EMSY: variants seen among roughly 807,000 people sequenced by gnomAD.
EMSY encodes the protein BRCA2-interacting transcriptional repressor EMSY.
EMSY carries 26 observed loss-of-function variants against 134.6 expected under a neutral mutation model. That is an observed-to-expected ratio of 0.19 (90% confidence interval 0.14 to 0.27). The LOEUF is 0.27. Ranked by LOEUF, EMSY falls within the 10% of genes least tolerant of loss-of-function variation. EMSY has a pLI of 1.00. For synonymous variants in EMSY, 579 were observed against 577.8 expected, an observed-to-expected ratio of 1.00 and a Z score of -0.03; for missense variants, 1,305 against 1,611.4, an observed-to-expected ratio of 0.81 and a Z score of 3.26.
intron 9 of EMSY, among the ~76,000 whole-genome samples, chr11:76,503,758 A>G (rs944297273): frequency 6.6e-6 from 1 of 152,148 alleles, no homozygotes; most frequent in Non-Finnish European, 1.5e-5. Context: ...TAGAAAAGTT[A>G]GATATCAAAA....
intron 7 of EMSY, among the ~76,000 whole-genome samples, chr11:76,471,665 A>G (rs1948573346): frequency 2.0e-5 from 3 of 152,024 alleles, no homozygotes; most frequent in Admixed American, 2.0e-4. Context: ...TCATGATTAG[A>G]CTATGATTAT....
chr11:76,544,799 T>C (rs201533688), exon 19 of EMSY: 408 of 1,613,960 alleles, frequency 2.5e-4, no homozygotes, highest in Middle Eastern at 3.3e-4. Context: ...CCCAGCTTCT[T>C]CAGAGAAACA....
chr11:76,542,745 C>T (rs199603255), intron 18 of EMSY, among the ~76,000 whole-genome samples: 15 of 129,232 alleles, frequency 1.2e-4, no homozygotes, highest in African/African-American at 2.9e-4. Flanking sequence ...GTTTGTTTTT[C>T]GTTTTTTGTT....
At chr11:76,530,373 C>T (rs1950994985) in intron 14 of EMSY, among the ~76,000 whole-genome samples, 1 of 152,044 alleles carries the variant, frequency 6.6e-6, no homozygotes, top group Non-Finnish European at 1.5e-5. Context: ...GTTGGCCAGG[C>T]TGGTCTTGAA....
intron 8 of EMSY, among the ~76,000 whole-genome samples, chr11:76,494,676 TTCCTTCCTTCCTTCCTTCCTTCCTTCC>T (rs1949563638): frequency 2.0e-5 from 1 of 49,220 alleles, no homozygotes; most frequent in Non-Finnish European, 4.4e-5. Flanking sequence ...CCTTCCTTCC[TTCCTTCCTTCCTTCCTTCCTTCCTTCC>T]TTCCTTCCTT....
chr11:76,530,840 C>T (rs1951015841), intron 14 of EMSY, among the ~76,000 whole-genome samples: 1 of 152,104 alleles, frequency 6.6e-6, no homozygotes, highest in South Asian at 2.1e-4. Context: ...GAGAATATTC[C>T]TACTTATTAA....
At chr11:76,500,182 T>C (rs1949807714) in intron 9 of EMSY, among the ~76,000 whole-genome samples, 1 of 152,114 alleles carries the variant, frequency 6.6e-6, no homozygotes, top group African/African-American at 2.4e-5. Flanking sequence ...AATAATTTTA[T>C]CTTTCTAGTA....
chr11:76,516,792 A>G (rs916202692), intron 11 of EMSY: 1 of 152,238 alleles, frequency 6.6e-6, no homozygotes. Flanking sequence ...CATAATTTCA[A>G]TTACTGATGT....
intron 8 of EMSY, among the ~76,000 whole-genome samples, chr11:76,493,062 G>A (rs774107508): frequency 6.6e-6 from 1 of 152,054 alleles, no homozygotes; most frequent in African/African-American, 2.4e-5. Context: ...GGCCAGGGAA[G>A]CCCCCCCTTC....
chr11:76,462,750 A>T (rs932443595), intron 6 of EMSY, among the ~76,000 whole-genome samples: 2 of 152,204 alleles, frequency 1.3e-5, no homozygotes, highest in South Asian at 2.1e-4. Context: ...ATAGGGGTAC[A>T]TGGGGTTGGA....
At chr11:76,546,150 G>A (rs1175844592) in exon 20 of EMSY, 5 of 1,614,180 alleles carry the variant, frequency 3.1e-6, no homozygotes. Flanking sequence ...AATGTAGAGA[G>A]TCCTGTTCGA....
At chr11:76,486,579 T>C (rs1280404274) in intron 8 of EMSY, among the ~76,000 whole-genome samples, 1 of 152,084 alleles carries the variant, frequency 6.6e-6, no homozygotes, top group Non-Finnish European at 1.5e-5. Context: ...GGACTATGTT[T>C]AGTGATGATG....
chr11:76,451,020 C>T (rs1947645808), intron 2 of EMSY, among the ~76,000 whole-genome samples: 1 of 152,044 alleles, frequency 6.6e-6, no homozygotes, highest in Non-Finnish European at 1.5e-5. Context: ...TGGTCTCGAA[C>T]TCTTGGACTC....
At chr11:76,470,842 C>T (rs1590822596) in intron 7 of EMSY, among the ~76,000 whole-genome samples, 1 of 152,200 alleles carries the variant, frequency 6.6e-6, no homozygotes, top group South Asian at 2.1e-4. Flanking sequence ...TTTTGCTACA[C>T]TGCTTTCTTT....
intron 3 of EMSY, among the ~76,000 whole-genome samples, chr11:76,452,771 A>T (rs556931710): frequency 6.6e-6 from 1 of 152,354 alleles, no homozygotes; most frequent in East Asian, 1.9e-4. Context: ...CAGCTAAAGT[A>T]TTGAATAATA....
At chr11:76,526,519 A>T in exon 13 of EMSY, 14 of 1,613,860 alleles carry the variant, frequency 8.7e-6, no homozygotes, top group Non-Finnish European at 1.2e-5. Flanking sequence ...CCTTACTGCT[A>T]CAAGACCCAT....
At chr11:76,461,618 A>G (rs1948120454) in intron 6 of EMSY, among the ~76,000 whole-genome samples, 2 of 152,232 alleles carry the variant, frequency 1.3e-5, no homozygotes, top group Admixed American at 1.3e-4. Flanking sequence ...GTAGAGACCT[A>G]CTTTTTGATC....
chr11:76,519,370 A>G (rs560078763), intron 11 of EMSY, among the ~76,000 whole-genome samples: 48 of 152,266 alleles, frequency 3.2e-4, no homozygotes, highest in African/African-American at 1.1e-3. Context: ...TGGCCAATTC[A>G]TATTTTATAG....
chr11:76,474,165 A>G (rs1217824183), intron 8 of EMSY, among the ~76,000 whole-genome samples: 1 of 151,554 alleles, frequency 6.6e-6, no homozygotes, highest in East Asian at 1.9e-4. Flanking sequence ...TCTGAGTTCC[A>G]TTTTAGCTTA....
Sources: gnomAD v4.1 joint callset for allele counts (sites outside exome capture counted in the v4.1 genomes callset) on GRCh38, gnomAD v4.1.1 for gene constraint, MANE v1.5 for transcripts, NCBI Gene and HGNC (gene_info 2026-07-23, HGNC 2026-07-21) for gene names.